Variants in PALM2AKAP2 observed in about 807,000 individuals in gnomAD.
The protein encoded by PALM2AKAP2 is PALM2-AKAP2 fusion protein.
PALM2AKAP2 carries 37 observed loss-of-function variants against 71.5 expected under a neutral mutation model. The ratio of observed to expected loss-of-function variants is 0.52; its 90% CI spans 0.40 to 0.68. PALM2AKAP2 has a LOEUF of 0.68. Among genes scored for constraint, PALM2AKAP2 ranks in the 30% least tolerant of loss-of-function variants. The pLI, the probability that PALM2AKAP2 is intolerant of heterozygous loss-of-function variation, is 0.00. For synonymous variants in PALM2AKAP2, 468 were observed against 478.8 expected (o/e 0.98, Z 0.29); for missense variants, 1,224 against 1,191.8 (o/e 1.03, Z -0.40).
chr9:109,977,343 C>T (rs1325971193), intron 6 of PALM2AKAP2, among the ~76,000 whole-genome samples: 1 of 152,212 alleles, frequency 6.6e-6, no homozygotes, highest in Non-Finnish European at 1.5e-5. Context: ...TTCTCTGACA[C>T]TTGCATCAAT....
intron 7 of PALM2AKAP2, among the ~76,000 whole-genome samples, chr9:110,019,238 C>CAAAA (rs769230271): frequency 1.7e-4 from 8 of 47,746 alleles, no homozygotes; most frequent in Non-Finnish European, 2.6e-4. Flanking sequence ...GACTCTGTCT[C>CAAAA]AAAAAAAAAA....
At chr9:110,118,404 G>A (rs754972068) in intron 1 of PALM2AKAP2, among the ~76,000 whole-genome samples, 1 of 151,704 alleles carries the variant, frequency 6.6e-6, no homozygotes, top group Non-Finnish European at 1.5e-5. Flanking sequence ...CCACCACCAC[G>A]CCCGGCTAAT....
exon 2 of PALM2AKAP2, chr9:110,137,349 C>A: frequency 6.2e-7 from 1 of 1,614,164 alleles, no homozygotes; most frequent in Non-Finnish European, 8.5e-7. Flanking sequence ...CTGACTAATC[C>A]GAGACCACCT....
chr9:109,683,142 A>T (rs1334867196), intron 1 of PALM2AKAP2, among the ~76,000 whole-genome samples: 1 of 152,116 alleles, frequency 6.6e-6, no homozygotes, highest in Non-Finnish European at 1.5e-5. Flanking sequence ...GCCTTCCACC[A>T]TGATTGTAAG....
At position 109,987,285 on chromosome 9, in the gene PALM2AKAP2, C is replaced by A. The variant is rs183499647; in HGVS notation, c.497-28669C>A. Among the ~76,000 whole-genome samples, 147 of 152,202 alleles carry A rather than the reference C, an allele frequency of 9.7e-4. 1 individual carries two copies. Among genetic ancestry groups the A allele is most frequent in the African/African-American group, 3.4e-3 (143 of 41,532 alleles). The stretch of plus-strand genomic sequence containing the variant: ...AGCTGGGACTACAGGTGTGCGCCAC[C>A]ACACCTGGCTTATTTTTGTATTTTT... On this transcript the variant is annotated intron_variant, in intron 6 of 9. Transcript: ENST00000302798.
At chr9:109,923,880 T>C (rs780902059) in intron 4 of PALM2AKAP2, 31 bp downstream of exon 4, 64 of 1,538,740 alleles carry the variant, frequency 4.2e-5, no homozygotes, top group Non-Finnish European at 5.6e-5. Flanking sequence ...TTCTCAAAGT[T>C]ATTTCCATGG....
intron 6 of PALM2AKAP2, among the ~76,000 whole-genome samples, chr9:109,950,215 C>G (rs1831604151): frequency 6.6e-6 from 1 of 152,014 alleles, no homozygotes; most frequent in African/African-American, 2.4e-5. Flanking sequence ...ATCACTTGAG[C>G]CCAGGAGGTG....
At chr9:110,163,152 A>G (rs779483699) in intron 3 of PALM2AKAP2, among the ~76,000 whole-genome samples, 22 of 151,980 alleles carry the variant, frequency 1.4e-4, no homozygotes, top group Non-Finnish European at 2.6e-4. Flanking sequence ...AAAGCACAAT[A>G]TTTTTCATAT....
intron 6 of PALM2AKAP2, among the ~76,000 whole-genome samples, chr9:109,971,859 T>C (rs1280625360): frequency 6.6e-6 from 1 of 152,168 alleles, no homozygotes; most frequent in Non-Finnish European, 1.5e-5. Context: ...GGACCATTTC[T>C]CCTACCCTGA....
At chr9:110,165,165 A>G (rs939409203) in intron 3 of PALM2AKAP2, among the ~76,000 whole-genome samples, 1 of 152,202 alleles carries the variant, frequency 6.6e-6, no homozygotes, top group Non-Finnish European at 1.5e-5. Context: ...TGAGTATGAC[A>G]TTATTAGAGC....
At chr9:109,645,293 A>C (rs1827134117) in intron 1 of PALM2AKAP2, among the ~76,000 whole-genome samples, 1 of 152,120 alleles carries the variant, frequency 6.6e-6, no homozygotes. Flanking sequence ...AAACCACCAG[A>C]TCTCATGAGA....
rs187874486 is a variant in PALM2AKAP2 at position 110,101,604 on chromosome 9, G to A, written c.157-34523G>A. On this transcript the variant is annotated intron_variant, in intron 1 of 3. Coordinates refer to ENST00000374525, the Ensembl canonical transcript of PALM2AKAP2. The stretch of plus-strand genomic sequence containing the variant: ...GGCCAAGGCAGACAAAGAAAGCCAC[G>A]TGCTTTCAGGTGCAAACAGCGGCCG... Among the ~76,000 whole-genome samples, 184 of 152,254 alleles carry A rather than the reference G, an allele frequency of 1.2e-3. 1 individual carries two copies. The highest frequency in any genetic ancestry group is 4.3e-3 in the African/African-American group (178 of 41,564).
At chr9:109,854,258 G>T (rs1829094511) in intron 1 of PALM2AKAP2, among the ~76,000 whole-genome samples, 1 of 152,232 alleles carries the variant, frequency 6.6e-6, no homozygotes, top group South Asian at 2.1e-4. Context: ...AAGAAGGGCA[G>T]GAAGAGGTAG....
chr9:109,923,613 C>A, intron 3 of PALM2AKAP2, 122 bp from the exon 4 acceptor site: 1 of 1,043,256 alleles, frequency 9.6e-7, no homozygotes, highest in Non-Finnish European at 1.4e-6. Flanking sequence ...CCTGGCTCCT[C>A]AGCGTAATGT....
intron 1 of PALM2AKAP2, among the ~76,000 whole-genome samples, chr9:109,815,939 G>T (rs1827841018): frequency 6.6e-6 from 1 of 152,160 alleles, no homozygotes; most frequent in African/African-American, 2.4e-5. Flanking sequence ...ATGGTATGGG[G>T]TCCCTGAGAG....
chr9:110,081,283 A>G (rs1478957615), intron 1 of PALM2AKAP2, among the ~76,000 whole-genome samples: 1 of 152,216 alleles, frequency 6.6e-6, no homozygotes, highest in Admixed American at 6.5e-5. Context: ...GTATCAAAAG[A>G]TATTTTTTCT....
intron 6 of PALM2AKAP2, among the ~76,000 whole-genome samples, chr9:109,963,283 G>A (rs1278049085): frequency 2.0e-5 from 3 of 152,196 alleles, no homozygotes; most frequent in African/African-American, 7.2e-5. Flanking sequence ...ATGCCAGGAT[G>A]TAGAGAGACA....
rs1428072777 is a variant in PALM2AKAP2 at position 110,132,037 on chromosome 9, G to A, written c.157-4090G>A. ...GACTTTTAACAAGTAACTAGCGTGT[G>A]TGTGTGTGTGTGTGTGTGTGTGTGT... On this transcript the variant is annotated intron_variant, in intron 1 of 3. Coordinates refer to ENST00000374525, the Ensembl canonical transcript of PALM2AKAP2. Among the ~76,000 whole-genome samples the A allele has an allele frequency of 8.1e-4, 12 of 14,806 alleles. 1 individual carries two copies. Among genetic ancestry groups the A allele is most frequent in the Admixed American group, 1.5e-3 (3 of 1,998 alleles). 9.7% of individuals were successfully genotyped at this position (14,806 alleles called of 152,430 possible).
In PALM2AKAP2 at chr9:109,943,167, G is replaced by A. The variant is rs753425425; in HGVS notation, c.496+11139G>A. On this transcript the variant is annotated intron_variant, in intron 6 of 9. Coordinates refer to the PALM2AKAP2 transcript ENST00000302798. ...AAAATATCGAGGATGAAGAGGAGACGAAAAAGGTGCTAGGCTATGATGAAA... is the reference window on the plus strand; with the variant it reads ...AAAATATCGAGGATGAAGAGGAGACAAAAAAGGTGCTAGGCTATGATGAAA... 10 of 1,614,098 alleles carry A rather than the reference G, an allele frequency of 6.2e-6. No homozygotes were observed. In the East Asian group the frequency reaches 8.9e-5, roughly 14 times the overall value.
Sources: allele counts gnomAD v4.1 joint callset (sites outside exome capture counted in the v4.1 genomes callset), GRCh38; gene constraint gnomAD v4.1.1; transcripts MANE v1.5; gene names NCBI Gene and HGNC (gene_info 2026-07-23, HGNC 2026-07-21).